Variants in ARHGAP22 observed in about 807,000 individuals in gnomAD.
The protein encoded by ARHGAP22 is rho GTPase-activating protein 22.
Under a neutral mutation model 59.1 loss-of-function variants are expected in ARHGAP22, and 48 were observed. The ratio of observed to expected loss-of-function variants is 0.81; its 90% CI spans 0.64 to 1.03. The LOEUF (loss-of-function observed/expected upper bound fraction) is 1.03. ARHGAP22 is among the 50% of genes least tolerant of loss of function. The pLI is 0.00. For synonymous variants in ARHGAP22, 445 were observed against 416.4 expected, an observed-to-expected ratio of 1.07 and a Z score of -0.84; for missense variants, 1,015 against 958.7, an observed-to-expected ratio of 1.06 and a Z score of -0.78.
chr10:48,564,441 T>G (rs561584582), intron 2 of ARHGAP22, among the ~76,000 whole-genome samples: 34 of 152,322 alleles, frequency 2.2e-4, no homozygotes, highest in African/African-American at 7.7e-4. Context: ...ACAAGTTACA[T>G]GTTAATGTAT....
intron 2 of ARHGAP22, among the ~76,000 whole-genome samples, chr10:48,573,674 C>G (rs1295921249): frequency 6.6e-6 from 1 of 152,224 alleles, no homozygotes; most frequent in East Asian, 1.9e-4. Context: ...TTGTAATAGT[C>G]TTATCTCTGA....
chr10:48,594,138 C>G (rs1170516787), intron 1 of ARHGAP22, among the ~76,000 whole-genome samples: 1 of 152,190 alleles, frequency 6.6e-6, no homozygotes, highest in Non-Finnish European at 1.5e-5. Flanking sequence ...AGGCTCTGGA[C>G]CACAGCAAGC....
chr10:48,513,984 T>C (rs1381696156), intron 3 of ARHGAP22, among the ~76,000 whole-genome samples: 4 of 152,108 alleles, frequency 2.6e-5, no homozygotes, highest in Admixed American at 2.6e-4. Context: ...ATATAAATTC[T>C]GGAATTTAAA....
At chr10:48,452,101 G>C (rs1016838857) in intron 8 of ARHGAP22, among the ~76,000 whole-genome samples, 1 of 152,030 alleles carries the variant, frequency 6.6e-6, no homozygotes, top group African/African-American at 2.4e-5. Context: ...CCCGTGTCTA[G>C]GCCAAGGCCC....
At chr10:48,558,121 C>G (rs989307639) in intron 2 of ARHGAP22, among the ~76,000 whole-genome samples, 2 of 152,152 alleles carry the variant, frequency 1.3e-5, no homozygotes, top group Non-Finnish European at 2.9e-5. Context: ...TGCCCTCCCC[C>G]TCCATGGCCC....
intron 1 of ARHGAP22, among the ~76,000 whole-genome samples, chr10:48,615,006 A>G (rs1479392574): frequency 6.6e-6 from 1 of 152,204 alleles, no homozygotes; most frequent in African/African-American, 2.4e-5. Context: ...CAGGTGGTGG[A>G]TAATAGTTGG....
chr10:48,504,150 G>A (rs550599233), intron 3 of ARHGAP22, among the ~76,000 whole-genome samples: 15 of 152,304 alleles, frequency 9.8e-5, no homozygotes, highest in Admixed American at 7.2e-4. Flanking sequence ...CATGAAATGT[G>A]TGTCAGGACT....
At chr10:48,617,499 G>A (rs1227601064) in intron 1 of ARHGAP22, among the ~76,000 whole-genome samples, 1 of 151,928 alleles carries the variant, frequency 6.6e-6, no homozygotes, top group Non-Finnish European at 1.5e-5. Context: ...ATTATTTCAA[G>A]TATCTTTTCT....
chr10:48,650,635 C>T (rs1307068618), intron 1 of ARHGAP22, among the ~76,000 whole-genome samples: 1 of 152,156 alleles, frequency 6.6e-6, no homozygotes. Context: ...TGCAGTATGT[C>T]CTCTGTCCCT....
intron 3 of ARHGAP22, among the ~76,000 whole-genome samples, chr10:48,496,054 C>T (rs1452301640): frequency 1.3e-5 from 2 of 152,116 alleles, no homozygotes; most frequent in Admixed American, 6.5e-5. Context: ...CCTGTGAGAG[C>T]CCCCAAGCTA....
intron 5 of ARHGAP22, among the ~76,000 whole-genome samples, chr10:48,457,829 A>G (rs2046703602): frequency 6.6e-6 from 1 of 152,064 alleles, no homozygotes; most frequent in East Asian, 1.9e-4. Context: ...GACAGAAGCC[A>G]ACACCCCAGC....
chr10:48,519,821 A>G (rs2053639179), intron 3 of ARHGAP22, among the ~76,000 whole-genome samples: 1 of 152,116 alleles, frequency 6.6e-6, no homozygotes, highest in African/African-American at 2.4e-5. Context: ...GGAGGGGGGA[A>G]CACAGTGCCA....
intron 3 of ARHGAP22, among the ~76,000 whole-genome samples, chr10:48,501,801 G>A (rs1158337154): frequency 6.6e-6 from 1 of 152,034 alleles, no homozygotes; most frequent in East Asian, 1.9e-4. Context: ...CCGTTACTAT[G>A]TGGAAAAAGT....
In ARHGAP22 at chr10:48,580,469, T is replaced by A. The variant is rs377182088; in HGVS notation, c.234+2484A>T. Among the ~76,000 whole-genome samples the A allele has an allele frequency of 2.8e-4, 42 of 152,182 alleles. No homozygotes were observed. In the East Asian group the frequency reaches 3.9e-3, roughly 14 times the overall value. On this transcript the variant is annotated intron_variant, in intron 2 of 9. Coordinates refer to ENST00000249601, the MANE Select transcript of ARHGAP22 (RefSeq NM_021226.4). The stretch of plus-strand genomic sequence containing the variant: ...ATGTGTGGCCTGGGTGGCCTCAGGG[T>A]CATGAGCACCCGGGCTCTCCCAGCA...
intron 3 of ARHGAP22, among the ~76,000 whole-genome samples, chr10:48,513,908 T>C (rs2053037781): frequency 6.6e-6 from 1 of 152,264 alleles, no homozygotes; most frequent in East Asian, 1.9e-4. Context: ...TAAAACATAG[T>C]GTGACAATGA....
intron 1 of ARHGAP22, among the ~76,000 whole-genome samples, chr10:48,622,960 C>T (rs1045144509): frequency 6.6e-6 from 1 of 152,220 alleles, no homozygotes; most frequent in Non-Finnish European, 1.5e-5. Flanking sequence ...CAGCTCCCTG[C>T]CTCCCCATAC....
At chr10:48,535,862 C>T (rs908707248) in intron 3 of ARHGAP22, among the ~76,000 whole-genome samples, 2 of 152,218 alleles carry the variant, frequency 1.3e-5, no homozygotes, top group African/African-American at 4.8e-5. Flanking sequence ...GAGAATGGCA[C>T]ATGGCAAATG....
At position 48,613,672 on chromosome 10, in the gene ARHGAP22, T is replaced by TA. The variant is rs11314506; in HGVS notation, c.53-30521dup. On this transcript the variant is annotated intron_variant, in intron 1 of 9. Coordinates refer to the ARHGAP22 transcript ENST00000435790. ...CTTTTATAGACCACTGAGAAGAATG[T>TA]AAAAAAAAAAAAGAATAGAAAAATA... Among the ~76,000 whole-genome samples the TA allele has an allele frequency of 2.3e-3, 320 of 142,030 alleles. 2 individuals are homozygous for TA. The highest frequency in any genetic ancestry group is 5.5e-3 in the African/African-American group (211 of 38,354). The allele number at this position is 142,030 out of a possible 152,430, so 93.2% of individuals were successfully genotyped here. A position where few individuals can be genotyped will look rare whatever the true frequency, so the allele number is the denominator to read the frequency against.
Position 48,455,056 on chromosome 10 carries a change from G to T in ARHGAP22, c.738C>A (p.Ala246=). ...RELPEPVVPF[A]RYEDFLSCAQ... ...CGCAGCTGAGGAAGTCCTCGTACCT[G>T]GCGAAGGGGACCACGGGCTCGGGGA... The change falls in exon 6 of 10, where the codon GCC becomes GCA. Residue 246 remains alanine (A), a synonymous_variant. Transcript: ENST00000249601. The T allele has an allele frequency of 6.2e-7, 1 of 1,612,440 alleles. No individual in the cohort carries two copies. Among genetic ancestry groups the T allele is most frequent in the Non-Finnish European group, 8.5e-7 (1 of 1,179,502 alleles).
Sources: gnomAD v4.1 joint callset for allele counts (sites outside exome capture counted in the v4.1 genomes callset) on GRCh38, gnomAD v4.1.1 for gene constraint, MANE v1.5 for transcripts, NCBI Gene and HGNC (gene_info 2026-07-23, HGNC 2026-07-21) for gene names.